Variants in RAD51B observed in about 807,000 individuals in gnomAD.
RAD51B encodes DNA repair protein RAD51 homolog 2.
In RAD51B, 38 loss-of-function variants were observed where a neutral mutation model predicts 42.2. The ratio of observed to expected loss-of-function variants is 0.90; its 90% CI spans 0.70 to 1.18. RAD51B has a LOEUF of 1.18. RAD51B is among the 50% of genes most tolerant of loss of function. The probability of loss-of-function intolerance (pLI) is 0.00; values close to 1 mark genes in which losing one functional copy is unlikely to be tolerated. For missense variants in RAD51B, 373 were observed against 400.7 expected (o/e 0.93, Z 0.59); for synonymous variants, 154 against 145.2 (o/e 1.06, Z -0.43).
rs755916680 is a variant in RAD51B at position 68,061,053 on chromosome 14, C to CTTTTTTTTTTTT, written c.756+173861_756+173872dup. 3.5e-4 allele frequency among the ~76,000 whole-genome samples: 35 copies of CTTTTTTTTTTTT among 101,288 alleles called. 1 individual carries two copies. Among genetic ancestry groups the CTTTTTTTTTTTT allele is most frequent in the South Asian group, 3.8e-4 (1 of 2,620 alleles). 66.4% of individuals were successfully genotyped at this position (101,288 alleles called of 152,430 possible). A position where few individuals can be genotyped will look rare whatever the true frequency, so the allele number is the denominator to read the frequency against. On this transcript the variant is annotated intron_variant, in intron 7 of 10. Coordinates refer to ENST00000471583, the MANE Select transcript of RAD51B (RefSeq NM_133510.4). ...CAGAATTGCTTTAGGTATTTGAGGT[C>CTTTTTTTTTTTT]TTTTTTTTTTTTTTTTTTTTTTTCT...
chr14:68,251,987 G>A (rs2080643709), intron 7 of RAD51B, among the ~76,000 whole-genome samples: 1 of 152,188 alleles, frequency 6.6e-6, no homozygotes, highest in Non-Finnish European at 1.5e-5. Flanking sequence ...GTGCAGGAAG[G>A]AACTAGTTTT....
chr14:67,876,329 C>T (rs973858802), intron 5 of RAD51B, among the ~76,000 whole-genome samples: 8 of 152,110 alleles, frequency 5.3e-5, no homozygotes, highest in African/African-American at 1.7e-4. Context: ...TGTTTTATTT[C>T]AAGTTGGCAT....
At chr14:68,321,034 C>G (rs947067203) in intron 8 of RAD51B, among the ~76,000 whole-genome samples, 6 of 152,152 alleles carry the variant, frequency 3.9e-5, no homozygotes, top group Admixed American at 1.3e-4. Context: ...TTCCTCTGCA[C>G]TCTCCTCATC....
chr14:68,272,376 C>G (rs2081120956), intron 7 of RAD51B, among the ~76,000 whole-genome samples: 1 of 151,966 alleles, frequency 6.6e-6, no homozygotes, highest in South Asian at 2.1e-4. Flanking sequence ...AGTGGACGAC[C>G]CAGTTATGAA....
chr14:68,053,359 C>A (rs1157411709), intron 7 of RAD51B, among the ~76,000 whole-genome samples: 1 of 152,110 alleles, frequency 6.6e-6, no homozygotes, highest in Non-Finnish European at 1.5e-5. Flanking sequence ...CATAAGTTGT[C>A]CAGGTGTCTT....
At chr14:68,620,466 G>A (rs1891922705) in intron 10 of RAD51B, among the ~76,000 whole-genome samples, 1 of 152,184 alleles carries the variant, frequency 6.6e-6, no homozygotes, top group Admixed American at 6.5e-5. Context: ...GCTCACTTCT[G>A]CACTAGCTGC....
intron 7 of RAD51B, among the ~76,000 whole-genome samples, chr14:68,130,892 TTGTG>T (rs531162923): frequency 1.3e-5 from 2 of 150,990 alleles, no homozygotes; most frequent in Non-Finnish European, 3.0e-5. Flanking sequence ...GGGTGTGTGT[TTGTG>T]TGTGTGTGTG....
chr14:67,887,494 G>A (rs1466639978), intron 7 of RAD51B: 1 of 235,706 alleles, frequency 4.2e-6, no homozygotes, highest in Non-Finnish European at 8.3e-6. Flanking sequence ...TTTACTCTTT[G>A]TGTGTGCTTT....
chr14:68,178,482 C>A (rs562078435), intron 7 of RAD51B, among the ~76,000 whole-genome samples: 1 of 152,240 alleles, frequency 6.6e-6, no homozygotes, highest in East Asian at 1.9e-4. Context: ...TTGACATTGG[C>A]AACTGGTTTA....
intron 7 of RAD51B, among the ~76,000 whole-genome samples, chr14:67,943,745 G>A (rs1464868322): frequency 6.6e-6 from 1 of 152,092 alleles, no homozygotes; most frequent in Non-Finnish European, 1.5e-5. Context: ...TTATTATTAT[G>A]ACTGTACTTC....
chr14:68,250,749 C>T (rs1370603118), intron 7 of RAD51B, among the ~76,000 whole-genome samples: 1 of 152,100 alleles, frequency 6.6e-6, no homozygotes, highest in Non-Finnish European at 1.5e-5. Context: ...AACCAGATAC[C>T]TGAGGGTCTG....
chr14:68,075,752 G>A (rs896492016), intron 7 of RAD51B, among the ~76,000 whole-genome samples: 3 of 151,704 alleles, frequency 2.0e-5, no homozygotes, highest in Non-Finnish European at 2.9e-5. Flanking sequence ...AGCCAGGGGC[G>A]CTGCCTGGTA....
At chr14:68,512,082 G>A (rs1241978498) in intron 10 of RAD51B, among the ~76,000 whole-genome samples, 1 of 152,186 alleles carries the variant, frequency 6.6e-6, no homozygotes, top group Non-Finnish European at 1.5e-5. Context: ...GTGAGCCTGG[G>A]GCATCTTTGG....
At chr14:68,585,497 G>T (rs553756482) in intron 10 of RAD51B, among the ~76,000 whole-genome samples, 4 of 152,160 alleles carry the variant, frequency 2.6e-5, no homozygotes, top group Non-Finnish European at 5.9e-5. Flanking sequence ...TAGCCAAACA[G>T]GCTCCAAGTC....
intron 7 of RAD51B, among the ~76,000 whole-genome samples, chr14:68,096,962 T>A (rs1314393092): frequency 6.6e-6 from 1 of 152,240 alleles, no homozygotes; most frequent in Non-Finnish European, 1.5e-5. Context: ...AATATATAAA[T>A]AACATGTGTA....
chr14:67,933,784 G>T (rs1002126916), intron 7 of RAD51B, among the ~76,000 whole-genome samples: 8 of 152,250 alleles, frequency 5.3e-5, no homozygotes, highest in Middle Eastern at 3.4e-3. Context: ...TAGTAATTTT[G>T]GTTCTTTCTG....
chr14:68,258,608 T>C (rs965476500), intron 7 of RAD51B, among the ~76,000 whole-genome samples: 1 of 152,026 alleles, frequency 6.6e-6, no homozygotes, highest in African/African-American at 2.4e-5. Flanking sequence ...TCATGACTAA[T>C]AAAATGGGGT....
intron 7 of RAD51B, among the ~76,000 whole-genome samples, chr14:67,929,895 C>T (rs1234753405): frequency 1.3e-5 from 2 of 152,008 alleles, no homozygotes; most frequent in Non-Finnish European, 2.9e-5. Context: ...AGTGATCCTC[C>T]CGCCTCTGCC....
At chr14:68,265,416 T>C (rs1338953112) in intron 7 of RAD51B, among the ~76,000 whole-genome samples, 2 of 152,188 alleles carry the variant, frequency 1.3e-5, no homozygotes, top group African/African-American at 4.8e-5. Flanking sequence ...TTCTTGTTTT[T>C]AAGATGCTCC....
Sources: allele counts gnomAD v4.1 joint callset (sites outside exome capture counted in the v4.1 genomes callset), GRCh38; gene constraint gnomAD v4.1.1; transcripts MANE v1.5; gene names NCBI Gene and HGNC (gene_info 2026-07-23, HGNC 2026-07-21).